The following HEATR5B variants were observed in gnomAD, a reference collection of about 807,000 sequenced individuals.
HEATR5B encodes the protein HEAT repeat-containing protein 5B.
Under a neutral mutation model 224.1 loss-of-function variants are expected in HEATR5B, and 156 were observed. That is an observed-to-expected ratio of 0.70 (90% confidence interval 0.61 to 0.80). HEATR5B has a LOEUF of 0.80. Among genes scored for constraint, HEATR5B ranks in the 30% least tolerant of loss-of-function variants. HEATR5B has a pLI of 0.00. For missense variants in HEATR5B, 2,323 were observed against 2,535.5 expected (o/e 0.92, Z 1.80); for synonymous variants, 1,027 against 893.0 (o/e 1.15, Z -2.68).
chr2:37,063,204 G>C (rs1671388266), intron 10 of HEATR5B, among the ~76,000 whole-genome samples: 1 of 152,320 alleles, frequency 6.6e-6, no homozygotes, highest in South Asian at 2.1e-4. Context: ...ACATGGGCTA[G>C]CACTGTTCTC....
intron 5 of HEATR5B, 38 bp downstream of exon 5, chr2:37,075,447 G>A (rs767813500): frequency 4.6e-6 from 7 of 1,520,352 alleles, no homozygotes; most frequent in East Asian, 2.4e-5. Flanking sequence ...AGAGCAAGAA[G>A]GATAAAGAGC....
In HEATR5B at chr2:36,994,462, CTATTA is replaced by C. The variant is rs1289530820; in HGVS notation, c.5546-3668_5546-3664del. Among the ~76,000 whole-genome samples the C allele has an allele frequency of 2.0e-5, 3 of 152,096 alleles. No homozygotes were observed. In the East Asian group the frequency reaches 5.8e-4, roughly 29 times the overall value. Reference sequence around the variant, plus strand: ...ATAGGATTTCCATAATGGAAATACTCTATTATAAAACTTTGCTTGTTAAGCAAGGG... The same window carrying C: ...ATAGGATTTCCATAATGGAAATACTCTAAAACTTTGCTTGTTAAGCAAGGG... On this transcript the variant is annotated intron_variant, in intron 33 of 35. Transcript: ENST00000233099.
intron 35 of HEATR5B, among the ~76,000 whole-genome samples, chr2:36,985,668 T>C (rs1665907312): frequency 7.0e-6 from 1 of 142,552 alleles, no homozygotes; most frequent in Admixed American, 7.1e-5. Flanking sequence ...GGTTTCACCA[T>C]ATTGGCCAGG....
intron 26 of HEATR5B, 127 bp downstream of exon 26, chr2:37,019,682 C>T (rs923323099): frequency 8.0e-6 from 5 of 625,156 alleles, no homozygotes; most frequent in Admixed American, 2.9e-5. Context: ...ATCTCAAACT[C>T]CTGAATTCAA....
chr2:37,055,118 C>T, intron 16 of HEATR5B: 1 of 403,494 alleles, frequency 2.5e-6, no homozygotes, highest in Non-Finnish European at 5.2e-6. Context: ...ATATATTAAG[C>T]CGCACAGCCT....
chr2:36,982,351 T>C (rs1190423821), intron 35 of HEATR5B, among the ~76,000 whole-genome samples: 1 of 152,188 alleles, frequency 6.6e-6, no homozygotes, highest in African/African-American at 2.4e-5. Flanking sequence ...CCGACTGATA[T>C]AAATTCCAAG....
At chr2:36,986,081 T>G (rs1015667557) in intron 35 of HEATR5B, among the ~76,000 whole-genome samples, 1 of 152,104 alleles carries the variant, frequency 6.6e-6, no homozygotes, top group Admixed American at 6.6e-5. Flanking sequence ...CAAAAATATT[T>G]TAAATACTAG....
At chr2:36,991,771 T>C (rs1666348184) in intron 33 of HEATR5B, among the ~76,000 whole-genome samples, 1 of 152,188 alleles carries the variant, frequency 6.6e-6, no homozygotes, top group African/African-American at 2.4e-5. Flanking sequence ...CAACTGTAAA[T>C]ACCCAGTGAT....
intron 17 of HEATR5B, 142 bp downstream of exon 17, chr2:37,053,360 C>T (rs1314805009): frequency 2.1e-5 from 9 of 422,814 alleles, no homozygotes; most frequent in East Asian, 1.4e-4. Context: ...CATAAAGTTT[C>T]AAGTAATTTA....
At chr2:37,080,190 T>C (rs1273391983) in intron 2 of HEATR5B, among the ~76,000 whole-genome samples, 3 of 152,140 alleles carry the variant, frequency 2.0e-5, no homozygotes, top group South Asian at 2.1e-4. Context: ...TTCAGAAGGA[T>C]AGAAGGGACC....
At chr2:37,005,843 T>C (rs1208399224) in intron 29 of HEATR5B, 84 bp from the exon 30 acceptor site, 1 of 1,072,294 alleles carries the variant, frequency 9.3e-7, no homozygotes, top group African/African-American at 1.6e-5. Context: ...TCTATTTATG[T>C]TTTTACAGAT....
intron 28 of HEATR5B, among the ~76,000 whole-genome samples, chr2:37,007,967 G>C (rs986212716): frequency 6.6e-6 from 1 of 152,000 alleles, no homozygotes; most frequent in Non-Finnish European, 1.5e-5. Context: ...TCTTCCCTCT[G>C]TTTCTTTCTT....
Position 37,000,800 on chromosome 2 carries a change from G to C in HEATR5B, c.5331C>G (p.Ile1777Met). ...SLCSPAGCMT[I>M]LPTILFLIAR... ...CAATTAAGAACAGAATTGTGGGCAG[G>C]ATTGTCATACATCCTGAAAGAAAAA... The change falls in exon 33 of 36, where the codon ATC becomes ATG. Residue 1777 changes from isoleucine to methionine, a missense_variant. Around this residue, in one of 12 missense-constraint regions of HEATR5B, gnomAD observed 844 missense variants for 812.9 expected, o/e 1.04. Coordinates refer to ENST00000233099, the MANE Select transcript of HEATR5B (RefSeq NM_019024.3). The C allele has an allele frequency of 6.2e-7, 1 of 1,611,866 alleles. No individual in the cohort carries two copies. The highest frequency in any genetic ancestry group is 8.5e-7 in the Non-Finnish European group (1 of 1,178,024).
intron 35 of HEATR5B, among the ~76,000 whole-genome samples, chr2:36,984,200 C>CCAAAAAAAAAAAAAAAAAAA (rs1665776143): frequency 6.9e-5 from 2 of 29,022 alleles, no homozygotes; most frequent in African/African-American, 3.2e-4. Context: ...AACTCTGTCT[C>CCAAAAAAAAAAAAAAAAAAA]AAAAAAAAAA....
At chr2:37,062,125 A>G in intron 10 of HEATR5B, 75 bp from the exon 11 acceptor site, 4 of 900,602 alleles carry the variant, frequency 4.4e-6, no homozygotes, top group Non-Finnish European at 5.4e-6. Flanking sequence ...ACTAGCATAC[A>G]TTACTTAAAA....
chr2:37,047,210 T>G (rs1670261774), intron 18 of HEATR5B, among the ~76,000 whole-genome samples: 1 of 151,580 alleles, frequency 6.6e-6, no homozygotes, highest in African/African-American at 2.4e-5. Flanking sequence ...AATGTAGCAA[T>G]GAATGAAGTG....
Position 37,020,800 on chromosome 2 carries a change from C to T in HEATR5B, c.3890G>A (p.Arg1297His), listed in dbSNP as rs1199789035. 6.3e-7 allele frequency: 1 copy of T among 1,591,780 alleles called. No homozygotes were observed. The highest frequency in any genetic ancestry group is 8.5e-7 in the Non-Finnish European group (1 of 1,174,448). The change falls in exon 25 of 36, where the codon CGC becomes CAC. Residue 1297 changes from arginine to histidine, a missense_variant. By Grantham distance (29) the Arg-to-His change is conservative. Transcript: ENST00000233099. The part of the protein sequence containing the change: ...LLVLHLSDLI[R>H]MAFMAATDHS... ...ATCAGTTGCAGCCATGAATGCCATGCGAATGAGGTCAGAGAGATGAAGTAC... is the reference window on the plus strand; with the variant it reads ...ATCAGTTGCAGCCATGAATGCCATGTGAATGAGGTCAGAGAGATGAAGTAC...
intron 33 of HEATR5B, among the ~76,000 whole-genome samples, chr2:36,997,829 G>A (rs1302815138): frequency 6.6e-6 from 1 of 151,944 alleles, no homozygotes; most frequent in Admixed American, 6.6e-5. Context: ...GCCTCCCAAA[G>A]TCCTGGGATT....
At position 37,058,937 on chromosome 2, in the gene HEATR5B, T is replaced by A. The variant is rs1163914131; in HGVS notation, c.1900A>T (p.Ile634Phe). 6.2e-7 allele frequency: 1 copy of A among 1,611,434 alleles called. No homozygotes were observed. Among genetic ancestry groups the A allele is most frequent in the East Asian group, 2.2e-5 (1 of 44,788 alleles). ...HCPELLTEDV[I>F]RKLMTPIECA... ...TCAATAGGGGTCATCAATTTTCGAA[T>A]CACATCTTCAGTTAGTAGCTCAGGA... Residue 634 changes from isoleucine to phenylalanine, a missense_variant, in exon 13 of 36, where the codon ATT becomes TTT. Ile to Phe is a conservative substitution (Grantham distance 21). Coordinates refer to ENST00000233099, the MANE Select transcript of HEATR5B (RefSeq NM_019024.3).
Sources: allele counts gnomAD v4.1 joint callset (sites outside exome capture counted in the v4.1 genomes callset), GRCh38; gene constraint gnomAD v4.1.1; regional missense constraint gnomAD v4.1.1; transcripts MANE v1.5; gene names NCBI Gene and HGNC (gene_info 2026-07-23, HGNC 2026-07-21).